CELF2: variants seen among roughly 807,000 people sequenced by gnomAD.
CELF2 encodes the protein CUG triplet repeat RNA-binding protein 2.
A neutral mutation model predicts 62.6 loss-of-function variants in CELF2; 8 were observed. The ratio of observed to expected loss-of-function variants is 0.13; its 90% CI spans 0.07 to 0.23. The LOEUF is 0.23. CELF2 is among the 10% of genes least tolerant of loss of function. The probability of loss-of-function intolerance (pLI) is 1.00; values close to 1 mark genes in which losing one functional copy is unlikely to be tolerated. For missense variants in CELF2, 333 were observed against 671.0 expected, an observed-to-expected ratio of 0.50 and a Z score of 5.56; for synonymous variants, 258 against 250.0, an observed-to-expected ratio of 1.03 and a Z score of -0.30.
chr10:10,468,181 G>T, the CELF2 span, among the ~76,000 whole-genome samples: 1 of 152,002 alleles, frequency 6.6e-6, no homozygotes, highest in Non-Finnish European at 1.5e-5. Flanking sequence ...TTTTGGTGAA[G>T]GACTCTATGA....
chr10:10,756,482 C>T, the CELF2 span, among the ~76,000 whole-genome samples: 22 of 152,118 alleles, frequency 1.4e-4, no homozygotes, highest in Non-Finnish European at 2.9e-5. Flanking sequence ...AATAAAACTG[C>T]ATTAAATGTT....
chr10:11,228,864 C>T (rs1462723018), intron 3 of CELF2, among the ~76,000 whole-genome samples: 3 of 152,052 alleles, frequency 2.0e-5, no homozygotes, highest in African/African-American at 7.3e-5. Context: ...AACTAAGTAT[C>T]ATCAGTAAGG....
chr10:10,759,011 T>C, the CELF2 span, among the ~76,000 whole-genome samples: 1 of 152,204 alleles, frequency 6.6e-6, no homozygotes, highest in Admixed American at 6.5e-5. Flanking sequence ...TTTTTAACCT[T>C]GCCAAAAGCT....
At chr10:11,276,772 C>T (rs898933945) in intron 8 of CELF2, among the ~76,000 whole-genome samples, 14 of 152,314 alleles carry the variant, frequency 9.2e-5, no homozygotes, top group Admixed American at 5.2e-4. Context: ...GGGTGGACAG[C>T]GTGCCCTGTC....
chr10:11,202,530 C>T (rs1161525013), intron 2 of CELF2, among the ~76,000 whole-genome samples: 1 of 152,118 alleles, frequency 6.6e-6, no homozygotes, highest in Non-Finnish European at 1.5e-5. Context: ...TGGGTCAAGT[C>T]CTTTTCCACA....
intron 1 of CELF2, among the ~76,000 whole-genome samples, chr10:10,895,714 A>G (rs2062499548): frequency 6.6e-6 from 1 of 152,184 alleles, no homozygotes; most frequent in South Asian, 2.1e-4. Flanking sequence ...TCTGATGAAA[A>G]ACCAAAAACA....
the CELF2 span, among the ~76,000 whole-genome samples, chr10:10,611,471 G>A: frequency 6.6e-6 from 1 of 152,110 alleles, no homozygotes. Context: ...CATTAGTAAT[G>A]CCTTTTAGAA....
In CELF2 at chr10:11,087,506, G is replaced by A. The variant is rs576183344; in HGVS notation, c.74+69343G>A. On this transcript the variant is annotated intron_variant, in intron 1 of 12. Transcript: ENST00000633077. ...TTAAATTATGCCCTTCTGACGGCCC[G>A]TCGACTGACGTAGAACATGGCACTG... Among the ~76,000 whole-genome samples, 12 of 152,334 alleles carry A rather than the reference G, an allele frequency of 7.9e-5. No homozygotes were observed. In the South Asian group the frequency reaches 8.3e-4, roughly 11 times the overall value.
rs1019699743 is a variant in CELF2, at chr10:11,237,001, A to G, written c.355-12152A>G. On this transcript the variant is annotated intron_variant, in intron 3 of 12. Coordinates refer to ENST00000633077, the MANE Select transcript of CELF2 (RefSeq NM_001326342.2). The surrounding 1 kb of genome is among the most constrained non-coding windows in gnomAD (Gnocchi z 4.0). ...AAGGAGCTGGATATTAATTTGGTAG[A>G]TAAGTCAAAGTCTTTGAGTGGGGGA... is the stretch of plus-strand genomic sequence containing the variant. Among the ~76,000 whole-genome samples the G allele has an allele frequency of 6.6e-6, 1 of 152,208 alleles. No homozygotes were observed.
At chr10:10,694,563 T>A in the CELF2 span, among the ~76,000 whole-genome samples, 2 of 152,134 alleles carry the variant, frequency 1.3e-5, no homozygotes, top group Admixed American at 6.5e-5. Flanking sequence ...TTCCTGGGTA[T>A]CCTTGCTGAC....
intron 1 of CELF2, among the ~76,000 whole-genome samples, chr10:11,038,040 G>A (rs1328184793): frequency 6.6e-6 from 1 of 152,124 alleles, no homozygotes; most frequent in African/African-American, 2.4e-5. Flanking sequence ...TTTACTCCCT[G>A]GAACTCTAGT....
the CELF2 span, among the ~76,000 whole-genome samples, chr10:10,662,479 C>T: frequency 6.6e-6 from 1 of 152,080 alleles, no homozygotes; most frequent in African/African-American, 2.4e-5. Flanking sequence ...TGGCCTGATT[C>T]CCTGTAGTGG....
the CELF2 span, among the ~76,000 whole-genome samples, chr10:10,629,864 A>AAAAAAC: frequency 1.8e-5 from 2 of 113,768 alleles, no homozygotes; most frequent in African/African-American, 3.2e-5. Context: ...TGAAGACCAA[A>AAAAAAC]AAAAAAAAAA....
the CELF2 span, among the ~76,000 whole-genome samples, chr10:10,644,563 A>G: frequency 6.6e-6 from 1 of 152,102 alleles, no homozygotes; most frequent in Non-Finnish European, 1.5e-5. Context: ...TCTGGCACAA[A>G]AGCAGCTGAT....
At chr10:11,107,443 GT>G (rs1324897260) in intron 1 of CELF2, among the ~76,000 whole-genome samples, 1 of 152,146 alleles carries the variant, frequency 6.6e-6, no homozygotes, top group East Asian at 1.9e-4. Context: ...GGTCTGTAGA[GT>G]TTGGCCGCTT....
rs768013848 is a variant in CELF2, at chr10:11,318,560, G to T, written c.1097-2629G>T. 6.8e-5 allele frequency: 25 copies of T among 367,134 alleles called. No homozygotes were observed. Among genetic ancestry groups the T allele is most frequent in the Non-Finnish European group, 1.1e-4 (20 of 183,384 alleles). 22.7% of individuals were successfully genotyped at this position (367,134 alleles called of 1,614,324 possible). ...GTCCAGAGACACAGCCAGCCTCTGT[G>T]AAGTGGAGCCAGGAGAGAAGGATGT... is the stretch of plus-strand genomic sequence containing the variant. On this transcript the variant is annotated intron_variant, in intron 10 of 12. Coordinates refer to ENST00000633077, the MANE Select transcript of CELF2 (RefSeq NM_001326342.2). This position sits in a 1 kb window ranked among gnomAD's most constrained non-coding sequence, Gnocchi z 5.4.
chr10:10,796,453 G>A (rs997444901), upstream of CELF2, among the ~76,000 whole-genome samples: 11 of 152,156 alleles, frequency 7.2e-5, no homozygotes, highest in African/African-American at 2.7e-4. Context: ...GCTTTAAAAT[G>A]GTATTTCATA....
In CELF2 at chr10:10,928,130, G is replaced by A. The variant is rs942170337; in HGVS notation, c.89+8131G>A. On this transcript the variant is annotated intron_variant, in intron 2 of 13. Transcript: ENST00000636488. The surrounding 1 kb of genome is among the most constrained non-coding windows in gnomAD (Gnocchi z 4.8). ...CCCCCAACACACTTCCTATCACATC[G>A]CCATATTTATTGTCATCTATTTTTT... Among the ~76,000 whole-genome samples, 11 of 151,816 alleles carry A rather than the reference G, an allele frequency of 7.2e-5. No homozygotes were observed. The highest frequency in any genetic ancestry group is 4.6e-4 in the Admixed American group (7 of 15,240).
chr10:10,625,218 G>C, the CELF2 span, among the ~76,000 whole-genome samples: 2 of 152,106 alleles, frequency 1.3e-5, no homozygotes, highest in Non-Finnish European at 2.9e-5. Context: ...ACAAATTAAA[G>C]ATAACCCCCA....
Sources: allele counts gnomAD v4.1 joint callset (sites outside exome capture counted in the v4.1 genomes callset), GRCh38; gene constraint gnomAD v4.1.1; non-coding constraint Gnocchi (gnomAD v3.1); transcripts MANE v1.5; gene names NCBI Gene and HGNC (gene_info 2026-07-23, HGNC 2026-07-21).